Variants in CFAP299 observed in about 807,000 individuals in gnomAD.
CFAP299 encodes the protein cilia and flagella associated protein 299.
A neutral mutation model predicts 27.0 loss-of-function variants in CFAP299; 21 were observed. The observed-to-expected ratio is 0.78, with a 90% CI of 0.55 to 1.12. The LOEUF (loss-of-function observed/expected upper bound fraction) is 1.12, where lower values mean the gene tolerates loss of function less well. CFAP299 is among the 50% of genes most tolerant of loss of function. The pLI, the probability that CFAP299 is intolerant of heterozygous loss-of-function variation, is 0.00. For synonymous variants in CFAP299, 104 were observed against 98.1 expected (o/e 1.06, Z -0.36); for missense variants, 310 against 276.6 (o/e 1.12, Z -0.86).
chr4:80,743,291 A>T (rs1273747091), intron 3 of CFAP299, among the ~76,000 whole-genome samples: 3 of 152,166 alleles, frequency 2.0e-5, no homozygotes, highest in Non-Finnish European at 4.4e-5. Context: ...ACAAAAAAGT[A>T]GGAGGAAGAA....
intron 3 of CFAP299, among the ~76,000 whole-genome samples, chr4:80,634,650 A>G (rs1294507580): frequency 6.6e-6 from 1 of 152,190 alleles, no homozygotes; most frequent in Non-Finnish European, 1.5e-5. Flanking sequence ...ATATGGGGGA[A>G]TAGATATGTA....
chr4:80,647,560 T>G (rs1740086463), intron 3 of CFAP299, among the ~76,000 whole-genome samples: 1 of 152,166 alleles, frequency 6.6e-6, no homozygotes. Flanking sequence ...ACCCACCGAC[T>G]GTGCCCACAC....
intron 2 of CFAP299, among the ~76,000 whole-genome samples, chr4:80,390,634 T>TAC (rs1240927299): frequency 1.3e-4 from 16 of 119,696 alleles, no homozygotes; most frequent in East Asian, 6.8e-4. Flanking sequence ...TATATATGTA[T>TAC]ACACATATAT....
At chr4:80,722,717 G>A (rs996100564) in intron 3 of CFAP299, among the ~76,000 whole-genome samples, 7 of 151,904 alleles carry the variant, frequency 4.6e-5, no homozygotes, top group Admixed American at 3.3e-4. Flanking sequence ...TGGCTAACAC[G>A]GTGAAACCCC....
intron 3 of CFAP299, among the ~76,000 whole-genome samples, chr4:80,803,262 A>G (rs1413957223): frequency 6.6e-6 from 1 of 152,126 alleles, no homozygotes. Context: ...AATTATTAAC[A>G]TACATACAGA....
At chr4:80,682,386 G>A (rs1188848521) in intron 3 of CFAP299, among the ~76,000 whole-genome samples, 1 of 151,882 alleles carries the variant, frequency 6.6e-6, no homozygotes, top group Admixed American at 6.6e-5. Flanking sequence ...CTTGTTTGGG[G>A]GAAAGGGAAA....
intron 3 of CFAP299, among the ~76,000 whole-genome samples, chr4:80,639,138 G>C (rs1044860982): frequency 6.6e-6 from 1 of 152,122 alleles, no homozygotes. Context: ...AGGAGTTAGG[G>C]CTGCAACACA....
intron 2 of CFAP299, among the ~76,000 whole-genome samples, chr4:80,576,603 A>T (rs1384159781): frequency 6.6e-6 from 1 of 152,198 alleles, no homozygotes; most frequent in Non-Finnish European, 1.5e-5. Context: ...CGTGGGAAAT[A>T]GAACTGTTTC....
At chr4:80,518,991 T>C (rs557954268) in intron 2 of CFAP299, among the ~76,000 whole-genome samples, 1 of 152,232 alleles carries the variant, frequency 6.6e-6, no homozygotes, top group East Asian at 1.9e-4. Flanking sequence ...CAACAAGATA[T>C]GTGGGCTGGA....
intron 2 of CFAP299, among the ~76,000 whole-genome samples, chr4:80,449,521 A>G (rs998613080): frequency 1.3e-5 from 2 of 151,864 alleles, no homozygotes; most frequent in Admixed American, 1.3e-4. Context: ...TTTCTAAAAC[A>G]CATAATAGCT....
intron 2 of CFAP299, among the ~76,000 whole-genome samples, chr4:80,430,619 A>G (rs1207463454): frequency 6.6e-6 from 1 of 152,172 alleles, no homozygotes. Context: ...GTCTTCAATC[A>G]GATCTCTCCC....
chr4:80,666,913 C>T (rs1190043326), intron 3 of CFAP299, among the ~76,000 whole-genome samples: 1 of 152,148 alleles, frequency 6.6e-6, no homozygotes, highest in African/African-American at 2.4e-5. Flanking sequence ...AAACATTTCT[C>T]CTGACTGAGG....
chr4:80,340,538 C>T (rs1722393322), intron 1 of CFAP299, among the ~76,000 whole-genome samples: 2 of 152,194 alleles, frequency 1.3e-5, no homozygotes, highest in South Asian at 4.1e-4. Context: ...TTCCCTTGCA[C>T]CTCACAAGCT....
At chr4:80,762,159 T>TTA (rs1156428098) in intron 3 of CFAP299, among the ~76,000 whole-genome samples, 2 of 151,804 alleles carry the variant, frequency 1.3e-5, no homozygotes, top group Non-Finnish European at 2.9e-5. Context: ...ATATTACATT[T>TTA]TATACAATAC....
intron 2 of CFAP299, among the ~76,000 whole-genome samples, chr4:80,445,098 T>C (rs987879002): frequency 7.2e-5 from 11 of 152,156 alleles, no homozygotes; most frequent in Admixed American, 2.6e-4. Context: ...AGTTCAACCA[T>C]TGTTGAAGAC....
chr4:80,806,473 C>A (rs1728871910), intron 3 of CFAP299, among the ~76,000 whole-genome samples: 1 of 152,156 alleles, frequency 6.6e-6, no homozygotes, highest in African/African-American at 2.4e-5. Flanking sequence ...ATGAGAGATT[C>A]ATTCAGCAAA....
intron 3 of CFAP299, among the ~76,000 whole-genome samples, chr4:80,841,297 C>A (rs1424134030): frequency 6.6e-6 from 1 of 152,012 alleles, no homozygotes; most frequent in African/African-American, 2.4e-5. Flanking sequence ...GGTAATAAGG[C>A]CACTAAACTC....
At chr4:80,787,242 A>T (rs72879935) in intron 3 of CFAP299, among the ~76,000 whole-genome samples, 11,471 of 148,354 alleles carry the variant, frequency 0.077, 516 homozygotes, top group African/African-American at 0.1. Context: ...CATAATATAT[A>T]TATATAGTAA....
At chr4:80,911,685 A>G (rs1460486504) in intron 4 of CFAP299, among the ~76,000 whole-genome samples, 2 of 152,160 alleles carry the variant, frequency 1.3e-5, no homozygotes, top group African/African-American at 4.8e-5. Flanking sequence ...AGTACATCAC[A>G]TTGACCTCAA....
Sources: allele counts gnomAD v4.1 joint callset (sites outside exome capture counted in the v4.1 genomes callset), GRCh38; gene constraint gnomAD v4.1.1; transcripts MANE v1.5; gene names NCBI Gene and HGNC (gene_info 2026-07-23, HGNC 2026-07-21).